Variants in STARD3 observed in about 807,000 individuals in gnomAD.
STARD3 encodes the protein StAR related lipid transfer domain containing 3.
Under a neutral mutation model 62.0 loss-of-function variants are expected in STARD3, and 39 were observed. That is an observed-to-expected ratio of 0.63 (90% confidence interval 0.49 to 0.82). STARD3 has a LOEUF of 0.82. Among genes scored for constraint, STARD3 ranks in the 40% least tolerant of loss-of-function variants. The probability of loss-of-function intolerance (pLI) is 0.00; values close to 1 mark genes in which losing one functional copy is unlikely to be tolerated. For missense variants in STARD3, 543 were observed against 584.5 expected (o/e 0.93, Z 0.73); for synonymous variants, 229 against 242.4 (o/e 0.94, Z 0.51).
intron 1 of STARD3, among the ~76,000 whole-genome samples, chr17:39,645,795 A>G (rs922086279): frequency 1.4e-5 from 2 of 145,626 alleles, no homozygotes; most frequent in African/African-American, 2.6e-5. Flanking sequence ...TACTTAATCT[A>G]TCTCAACCAC....
intron 1 of STARD3, among the ~76,000 whole-genome samples, chr17:39,646,637 A>G (rs1722494041): frequency 6.6e-6 from 1 of 152,152 alleles, no homozygotes; most frequent in Admixed American, 6.5e-5. Flanking sequence ...TAGGAAGGGG[A>G]CAGTCTGAGA....
chr17:39,663,063 C>T lies in STARD3; in HGVS notation c.*155C>T. ...CAGTGCCTGGAGTTGACTGACTGAG[C>T]AGGCTGTGGGGTGGAGCACTGGACT... is the stretch of plus-strand genomic sequence containing the variant. On this transcript the variant is annotated 3_prime_UTR_variant, in exon 15 of 15. Coordinates refer to ENST00000336308, the MANE Select transcript of STARD3 (RefSeq NM_006804.4). 1.3e-6 allele frequency: 1 copy of T among 743,358 alleles called. No homozygotes were observed. The highest frequency in any genetic ancestry group is 2.8e-4 in the Middle Eastern group (1 of 3,614). The allele number at this position is 743,358 out of a possible 1,614,324, so 46.0% of individuals were successfully genotyped here.
chr17:39,654,736 C>T (rs1343636925), intron 2 of STARD3, among the ~76,000 whole-genome samples: 1 of 152,280 alleles, frequency 6.6e-6, no homozygotes, highest in Non-Finnish European at 1.5e-5. Flanking sequence ...CCTTCTGCAG[C>T]ATGGGCTCCC....
chr17:39,658,949 C>T, intron 7 of STARD3, 102 bp from the exon 8 acceptor site: 2 of 1,565,122 alleles, frequency 1.3e-6, no homozygotes, highest in Admixed American at 3.4e-5. Flanking sequence ...CTCCCACACA[C>T]TTTTATCCCC....
intron 2 of STARD3, among the ~76,000 whole-genome samples, chr17:39,655,349 A>ATTTTT (rs60170620): frequency 4.2e-5 from 6 of 141,212 alleles, no homozygotes; most frequent in African/African-American, 1.5e-4. Flanking sequence ...ACATTTGGCT[A>ATTTTT]TTTTTTTTTT....
chr17:39,658,464 G>T lies in STARD3; in HGVS notation c.489G>T (p.Trp163Cys), dbSNP rs1567860120. The T allele has an allele frequency of 6.2e-7, 1 of 1,614,146 alleles. No homozygotes were observed. The highest frequency in any genetic ancestry group is 1.7e-5 in the Admixed American group (1 of 60,032). ...CCATCGTCTCTTTTGTCCTCGCCTG[G>T]TTGGAGACCTGGTTCCTTGACTTCA... ...LLPIVSFVLAWLETWFLDFKV... is the reference protein window; with the variant it reads ...LLPIVSFVLACLETWFLDFKV... Residue 163 changes from tryptophan (W) to cysteine (C), a missense_variant, in exon 6 of 15, where the codon TGG becomes TGT. Physicochemically the swap from Trp to Cys is radical, Grantham distance 215 (BLOSUM62 -2). Transcript: ENST00000336308.
intron 14 of STARD3, 90 bp downstream of exon 14, chr17:39,662,434 T>A: frequency 1.6e-6 from 2 of 1,277,756 alleles, no homozygotes; most frequent in Non-Finnish European, 2.2e-6. Context: ...GGGGGCTCTC[T>A]GCCATGCCTG....
intron 1 of STARD3, among the ~76,000 whole-genome samples, chr17:39,642,829 G>A (rs2056993024): frequency 6.6e-6 from 1 of 152,154 alleles, no homozygotes; most frequent in Admixed American, 6.5e-5. Flanking sequence ...AAGACCTGGG[G>A]AGGAGCTCCC....
In STARD3 at chr17:39,657,801, A is replaced by T. The variant is rs1217601643; in HGVS notation, c.324A>T (p.Gly108=). The change falls in exon 4 of 15, where the codon GGA becomes GGT. Residue 108 remains glycine (G), a synonymous_variant. Transcript: ENST00000336308. The stretch of plus-strand genomic sequence containing the variant: ...TCCTGGCCTTCTTCCGCTTCTCTGG[A>T]CTGCTCCTAGGCTATGCCGTGCTGC... The part of the protein sequence containing the change: ...IFVLAFFRFS[G]LLLGYAVLRL... 1 of 1,614,098 alleles carries T rather than the reference A, an allele frequency of 6.2e-7. No homozygotes were observed. The highest frequency in any genetic ancestry group is 1.1e-5 in the South Asian group (1 of 91,078).
At position 39,662,256 on chromosome 17, in the gene STARD3, A is replaced by G. The variant is rs889851632; in HGVS notation, c.1145A>G (p.Glu382Gly). The G allele has an allele frequency of 2.5e-6, 4 of 1,613,514 alleles. No homozygotes were observed. Among genetic ancestry groups the G allele is most frequent in the Non-Finnish European group, 3.4e-6 (4 of 1,179,876 alleles). Residue 382 changes from glutamate to glycine, a missense_variant, in exon 14 of 15, where the codon GAG becomes GGG. Transcript: ENST00000336308. ...KPPTHKYVRG[E>G]NGPGGFIVLK... is the part of the protein sequence containing the mutation. ...AATGATGCCTCTTTCCATAGGGGAGAGAATGGCCCTGGGGGCTTCATCGTG... is the reference window on the plus strand; with the variant it reads ...AATGATGCCTCTTTCCATAGGGGAGGGAATGGCCCTGGGGGCTTCATCGTG...
At chr17:39,655,894 C>A (rs1040294426) in intron 2 of STARD3, among the ~76,000 whole-genome samples, 1 of 151,738 alleles carries the variant, frequency 6.6e-6, no homozygotes, top group Non-Finnish European at 1.5e-5. Context: ...GGTGCCCAGG[C>A]TGGAAAGAGG....
At chr17:39,658,643 G>C in intron 6 of STARD3, 79 bp from the exon 7 acceptor site, 1 of 1,588,500 alleles carries the variant, frequency 6.3e-7, no homozygotes, top group East Asian at 2.2e-5. Flanking sequence ...CCAGTAGCCT[G>C]AGGGGGAGCT....
chr17:39,661,271 TGGG>T, intron 13 of STARD3, 186 bp downstream of exon 13: 1 of 614,334 alleles, frequency 1.6e-6, no homozygotes. Context: ...TCTGTGGAGA[TGGG>T]GGGTGGTGGA....
intron 1 of STARD3, among the ~76,000 whole-genome samples, chr17:39,644,742 C>T (rs1484515576): frequency 6.6e-6 from 1 of 151,648 alleles, no homozygotes; most frequent in African/African-American, 2.4e-5. Flanking sequence ...TGCCTGTAGT[C>T]CCAGCTACTC....
At chr17:39,653,845 G>C in intron 2 of STARD3, 95 bp downstream of exon 2, 1 of 1,424,416 alleles carries the variant, frequency 7.0e-7, no homozygotes, top group Non-Finnish European at 9.7e-7. Flanking sequence ...CTCTCCCCTG[G>C]GGTTGGTTAG....
At chr17:39,652,506 T>G (rs34695955) in intron 1 of STARD3, 19,895 of 152,254 alleles carry the variant, frequency 0.13, 2,074 homozygotes, top group African/African-American at 0.29. Flanking sequence ...TATGCTGTGA[T>G]TTGGAGCAGG....
chr17:39,641,408 G>A (rs998259987), intron 1 of STARD3, among the ~76,000 whole-genome samples: 1 of 151,738 alleles, frequency 6.6e-6, no homozygotes, highest in Admixed American at 6.6e-5. Context: ...TCGCGCCTGT[G>A]AACAGCCACT....
In STARD3 at chr17:39,660,403, C is replaced by T. The variant is rs559982799; in HGVS notation, c.859-28C>T. 1 of 1,612,804 alleles carries T rather than the reference C, an allele frequency of 6.2e-7. No individual in the cohort carries two copies. The highest frequency in any genetic ancestry group is 1.3e-5 in the African/African-American group (1 of 75,036). ...TGGTCTGCCCGAGCCCATCTGGCAC[C>T]ACCCAGCCCTCTGCCGCCCTGTCCC... On this transcript the variant is annotated intron_variant, in intron 10 of 14. Transcript: ENST00000336308. This position sits in a 1 kb window ranked among gnomAD's most constrained non-coding sequence, Gnocchi z 4.8.
chr17:39,639,886 T>C (rs1328954767), intron 1 of STARD3, among the ~76,000 whole-genome samples: 1 of 152,178 alleles, frequency 6.6e-6, no homozygotes, highest in Non-Finnish European at 1.5e-5. Context: ...AGATGGCCCC[T>C]CCTCCCTGTG....
Sources: gnomAD v4.1 joint callset for allele counts (sites outside exome capture counted in the v4.1 genomes callset) on GRCh38, gnomAD v4.1.1 for gene constraint, Gnocchi (gnomAD v3.1) non-coding constraint, MANE v1.5 for transcripts, NCBI Gene and HGNC (gene_info 2026-07-23, HGNC 2026-07-21) for gene names.